The following PRELID2 variants were observed in gnomAD, a reference collection of about 807,000 sequenced individuals.
PRELID2 encodes the protein PRELI domain containing 2, also known as PRELI domain-containing protein 2.
In PRELID2, 25 loss-of-function variants were observed where a neutral mutation model predicts 28.4. The ratio of observed to expected loss-of-function variants is 0.88; its 90% CI spans 0.64 to 1.23. The LOEUF (loss-of-function observed/expected upper bound fraction) is 1.23, where lower values mean the gene tolerates loss of function less well. PRELID2 is among the 50% of genes most tolerant of loss of function. The probability of loss-of-function intolerance (pLI) is 0.00; values close to 1 mark genes in which losing one functional copy is unlikely to be tolerated. For synonymous variants in PRELID2, 76 were observed against 71.6 expected (o/e 1.06, Z -0.31); for missense variants, 201 against 214.4 (o/e 0.94, Z 0.39).
At chr5:145,834,240 T>C (rs1488199062) in intron 1 of PRELID2, among the ~76,000 whole-genome samples, 1 of 152,124 alleles carries the variant, frequency 6.6e-6, no homozygotes, top group Non-Finnish European at 1.5e-5. Flanking sequence ...CAGTGAAATA[T>C]GCAAAATCAA....
At chr5:145,711,477 G>C (rs907508905) in intron 1 of PRELID2, among the ~76,000 whole-genome samples, 3 of 152,116 alleles carry the variant, frequency 2.0e-5, no homozygotes, top group African/African-American at 7.2e-5. Flanking sequence ...GTTGTGAAAG[G>C]CTAAGTGAGC....
At chr5:145,676,540 AAACAAC>A (rs554646397) in intron 1 of PRELID2, among the ~76,000 whole-genome samples, 1 of 152,168 alleles carries the variant, frequency 6.6e-6, no homozygotes, top group Admixed American at 6.5e-5. Context: ...CTCTGTCTCA[AAACAAC>A]AACAACAACA....
chr5:145,757,842 A>C lies in PRELID2; in HGVS notation c.*2694T>G, dbSNP rs1247239715. On this transcript the variant is annotated 3_prime_UTR_variant, in exon 7 of 7. Coordinates refer to ENST00000683046, the MANE Select transcript of PRELID2 (RefSeq NM_205846.3). ...AAAAAAAAAAAAAAAAAGACCATAA[A>C]ATTTCTAAGCCATATATGTGAAGCT... 2.6e-5 allele frequency among the ~76,000 whole-genome samples: 4 copies of C among 151,800 alleles called. No homozygotes were observed. Among genetic ancestry groups the C allele is most frequent in the Non-Finnish European group, 5.9e-5 (4 of 67,958 alleles).
chr5:145,600,420 GAAA>G (rs35455268), intron 1 of PRELID2, among the ~76,000 whole-genome samples: 41 of 124,160 alleles, frequency 3.3e-4, no homozygotes, highest in Non-Finnish European at 5.7e-4. Flanking sequence ...CTCAGGGGGG[GAAA>G]AAAAAAAAAA....
chr5:145,287,463 G>A, the PRELID2 span, among the ~76,000 whole-genome samples: 1 of 152,088 alleles, frequency 6.6e-6, no homozygotes, highest in Non-Finnish European at 1.5e-5. Context: ...AAAAGGGGTG[G>A]AGTGAGATTT....
chr5:145,711,177 T>C (rs1347123), intron 1 of PRELID2, among the ~76,000 whole-genome samples: 35,139 of 152,084 alleles, frequency 0.23, 5,516 homozygotes, highest in African/African-American at 0.45. Flanking sequence ...AAAAATCATG[T>C]TTAGAATTTG....
chr5:145,404,780 G>T, the PRELID2 span, among the ~76,000 whole-genome samples: 3 of 152,196 alleles, frequency 2.0e-5, no homozygotes, highest in South Asian at 2.1e-4. Flanking sequence ...CCAGTTTAAA[G>T]TGAGAAACCT....
At chr5:145,812,809 T>C (rs1405319551) in intron 4 of PRELID2, among the ~76,000 whole-genome samples, 2 of 152,184 alleles carry the variant, frequency 1.3e-5, no homozygotes, top group Non-Finnish European at 2.9e-5. Context: ...CCATACCTAT[T>C]ATGGAGAGAA....
At chr5:145,232,715 A>C in the PRELID2 span, among the ~76,000 whole-genome samples, 1 of 152,128 alleles carries the variant, frequency 6.6e-6, no homozygotes, top group African/African-American at 2.4e-5. Context: ...TAATAGAAAA[A>C]AATTCATGTG....
At chr5:145,685,290 AC>A (rs1755013455) in intron 1 of PRELID2, among the ~76,000 whole-genome samples, 1 of 151,654 alleles carries the variant, frequency 6.6e-6, no homozygotes, top group African/African-American at 2.4e-5. Context: ...GCCACCTCTT[AC>A]CTCCCTGTTT....
intron 1 of PRELID2, among the ~76,000 whole-genome samples, chr5:145,693,932 T>A (rs185607826): frequency 2.5e-4 from 38 of 152,206 alleles, no homozygotes; most frequent in East Asian, 2.1e-3. Flanking sequence ...CAAGCAATAT[T>A]TTGAGGCAGC....
chr5:145,818,029 A>G lies in PRELID2; in HGVS notation c.233T>C (p.Ile78Thr), dbSNP rs1027720505. The G allele has an allele frequency of 1.2e-6, 2 of 1,612,100 alleles. No individual in the cohort carries two copies. The highest frequency in any genetic ancestry group is 1.7e-6 in the Non-Finnish European group (2 of 1,179,168). The change falls in exon 4 of 7, where the codon ATC becomes ACC. Residue 78 changes from isoleucine (I) to threonine (T), a missense_variant. Ile to Thr is a moderately conservative substitution (Grantham distance 89). Coordinates refer to ENST00000683046, the MANE Select transcript of PRELID2 (RefSeq NM_205846.3). ...RKVSILKVPN[I>T]QLEEESWLNP... ...GAGCCATGACTCCTCTTCTAATTGG[A>G]TATTAGGTACTTTCAAAATGCTCAC...
At chr5:145,291,335 C>CACAAAAAAAAAAAAAAAAAAAAAAA in the PRELID2 span, among the ~76,000 whole-genome samples, 7 of 57,470 alleles carry the variant, frequency 1.2e-4, no homozygotes, top group African/African-American at 7.6e-4. Context: ...GACTCTGTTT[C>CACAAAAAAAAAAAAAAAAAAAAAAA]AGAAAAAAAA....
intron 1 of PRELID2, among the ~76,000 whole-genome samples, chr5:145,735,512 A>T (rs149185187): frequency 2.8e-4 from 42 of 152,360 alleles, no homozygotes; most frequent in Middle Eastern, 3.4e-3. Context: ...ATAAGGAAGC[A>T]TAACTCAAGA....
At chr5:145,290,007 C>G in the PRELID2 span, among the ~76,000 whole-genome samples, 4 of 152,212 alleles carry the variant, frequency 2.6e-5, no homozygotes, top group East Asian at 1.9e-4. Flanking sequence ...AAATGCTCAT[C>G]ATCACTGGCC....
chr5:145,308,612 GT>G, the PRELID2 span, among the ~76,000 whole-genome samples: 1 of 151,268 alleles, frequency 6.6e-6, no homozygotes, highest in Non-Finnish European at 1.5e-5. Flanking sequence ...TAATTTAGAG[GT>G]TAGAGTGTAT....
At chr5:145,524,492 G>A (rs1416218029) in intron 1 of PRELID2, among the ~76,000 whole-genome samples, 1 of 152,226 alleles carries the variant, frequency 6.6e-6, no homozygotes, top group African/African-American at 2.4e-5. Flanking sequence ...TTGAGAAACA[G>A]TAGAAACCAT....
intron 1 of PRELID2, among the ~76,000 whole-genome samples, chr5:145,681,011 A>G (rs966499700): frequency 1.3e-5 from 2 of 152,332 alleles, no homozygotes; most frequent in Admixed American, 6.5e-5. Flanking sequence ...TGGCAATTTG[A>G]CAGCAGAGGA....
chr5:145,449,649 G>T, the PRELID2 span, among the ~76,000 whole-genome samples: 1 of 152,020 alleles, frequency 6.6e-6, no homozygotes, highest in Non-Finnish European at 1.5e-5. Context: ...CTTTGCCAGG[G>T]AACCACCCTC....
Sources: gnomAD v4.1 joint callset for allele counts (sites outside exome capture counted in the v4.1 genomes callset) on GRCh38, gnomAD v4.1.1 for gene constraint, MANE v1.5 for transcripts, NCBI Gene and HGNC (gene_info 2026-07-23, HGNC 2026-07-21) for gene names.